Variants in SUFU observed in about 807,000 individuals in gnomAD.
SUFU encodes the protein suppressor of fused homolog.
Under a neutral mutation model 58.9 loss-of-function variants are expected in SUFU, and 7 were observed. The observed-to-expected ratio is 0.12, with a 90% CI of 0.07 to 0.22. The LOEUF (loss-of-function observed/expected upper bound fraction) is 0.22. Among genes scored for constraint, SUFU ranks in the 10% least tolerant of loss-of-function variants. The pLI is 1.00. For missense variants in SUFU, 451 were observed against 641.3 expected, an observed-to-expected ratio of 0.70 and a Z score of 3.20; for synonymous variants, 232 against 254.8, an observed-to-expected ratio of 0.91 and a Z score of 0.85.
chr10:102,522,801 A>T (rs1014979127), intron 2 of SUFU, among the ~76,000 whole-genome samples: 4 of 152,162 alleles, frequency 2.6e-5, no homozygotes, highest in Non-Finnish European at 4.4e-5. Context: ...TCTGCTCCGT[A>T]GATTGTCATC....
At chr10:102,503,039 T>C (rs2062270799), upstream of SUFU, among the ~76,000 whole-genome samples, 1 of 152,186 alleles carries the variant, frequency 6.6e-6, no homozygotes, top group Non-Finnish European at 1.5e-5. Flanking sequence ...TTGGTCGTAA[T>C]TCATGGATGT....
Position 102,617,338 on chromosome 10 carries a change from T to C in SUFU, c.1206T>C (p.Gly402=), listed in dbSNP as rs2063697266. The change falls in exon 10 of 12, where the codon GGT becomes GGC. Residue 402 remains glycine, a synonymous_variant. Transcript: ENST00000369902. The surrounding 1 kb of genome is among the most constrained non-coding windows in gnomAD (Gnocchi z 4.4). ...GRHFTYKSIT[G]DMAITFVSTG... is the part of the protein sequence containing the mutation. Reference sequence around the variant, plus strand: ...ACTTTACATATAAAAGTATCACAGGTGACATGGCCATCACGTTTGTCTCCA... The same window carrying C: ...ACTTTACATATAAAAGTATCACAGGCGACATGGCCATCACGTTTGTCTCCA... 6.2e-7 allele frequency: 1 copy of C among 1,614,018 alleles called. No homozygotes were observed. Among genetic ancestry groups the C allele is most frequent in the Admixed American group, 1.7e-5 (1 of 59,994 alleles).
At chr10:102,618,971 TG>T in intron 10 of SUFU, 1 of 915,324 alleles carries the variant, frequency 1.1e-6, no homozygotes. Flanking sequence ...TGTGTGTGTG[TG>T]TGTGTGTAAT....
Position 102,617,891 on chromosome 10 carries a change from A to G in SUFU, c.1296+463A>G. 1 of 298,528 alleles carries G rather than the reference A, an allele frequency of 3.3e-6. No individual in the cohort carries two copies. Among genetic ancestry groups the G allele is most frequent in the East Asian group, 5.7e-5 (1 of 17,394 alleles). 18.5% of individuals were successfully genotyped at this position (298,528 alleles called of 1,614,324 possible). A position where few individuals can be genotyped will look rare whatever the true frequency, so the allele number is the denominator to read the frequency against. On this transcript the variant is annotated intron_variant, in intron 10 of 11. Coordinates refer to ENST00000369902, the MANE Select transcript of SUFU (RefSeq NM_016169.4). This position sits in a 1 kb window ranked among gnomAD's most constrained non-coding sequence, Gnocchi z 4.4. ...CAGGGCTGGGCAGGCCTCAGTGGGAAGAGCCTCCCCTTCTTAGCCTACCCC... is the reference window on the plus strand; with the variant it reads ...CAGGGCTGGGCAGGCCTCAGTGGGAGGAGCCTCCCCTTCTTAGCCTACCCC...
chr10:102,572,994 C>G (rs1233122213), intron 3 of SUFU: 1 of 1,329,536 alleles, frequency 7.5e-7, no homozygotes, highest in African/African-American at 1.4e-5. Context: ...TCAGTGGAAA[C>G]TTGATGATAG....
intron 3 of SUFU, among the ~76,000 whole-genome samples, chr10:102,565,707 G>C (rs1259216874): frequency 2.0e-5 from 3 of 152,194 alleles, no homozygotes; most frequent in East Asian, 3.9e-4. Context: ...ACCACGCACG[G>C]CTAATTTTTT....
intron 1 of SUFU, among the ~76,000 whole-genome samples, chr10:102,508,937 G>T (rs1306468088): frequency 6.6e-6 from 1 of 152,200 alleles, no homozygotes; most frequent in Non-Finnish European, 1.5e-5. Context: ...ATTTCTAAAA[G>T]AGGCCCAGTC....
intron 10 of SUFU, among the ~76,000 whole-genome samples, chr10:102,624,136 A>G (rs1391491229): frequency 1.3e-5 from 2 of 152,180 alleles, no homozygotes; most frequent in Admixed American, 1.3e-4. Context: ...TGTCATTTTT[A>G]TCATCACCAT....
rs1354083396 is a variant in SUFU at position 102,630,357 on chromosome 10, G to C, written c.*202G>C. On this transcript the variant is annotated 3_prime_UTR_variant, in exon 12 of 12. Transcript: ENST00000369902. ...ACCTCCAGCTCAGGGGCCGCACCCC[G>C]CCGCTGGCTAAGCCTTGTGACCCAT... The C allele has an allele frequency of 4.9e-6, 3 of 611,938 alleles. No individual in the cohort carries two copies. The South Asian group carries it at 5.6e-5, about 11-fold the overall frequency. 37.9% of individuals were successfully genotyped at this position (611,938 alleles called of 1,614,324 possible).
intron 3 of SUFU, among the ~76,000 whole-genome samples, chr10:102,565,069 G>T (rs2063073797): frequency 6.6e-6 from 1 of 152,152 alleles, no homozygotes; most frequent in South Asian, 2.1e-4. Context: ...CAGCCTGCAG[G>T]CCAAATCCTG....
In SUFU at chr10:102,630,772, A is replaced by G. The variant is rs1467556325; in HGVS notation, c.*617A>G. ...CCCCGTTGAACTTTCGCATTCTCTG[A>G]CAGAGGCCTAGGGCTGTATCTCTCC... is the stretch of plus-strand genomic sequence containing the variant. On this transcript the variant is annotated 3_prime_UTR_variant, in exon 12 of 12. Coordinates refer to ENST00000369902, the MANE Select transcript of SUFU (RefSeq NM_016169.4). 19 of 249,586 alleles carry G rather than the reference A, an allele frequency of 7.6e-5. No homozygotes were observed. The Admixed American group carries it at 8.2e-4, about 11-fold the overall frequency. The allele number at this position is 249,586 out of a possible 1,614,324, so 15.5% of individuals were successfully genotyped here.
At chr10:102,579,306 A>G (rs1303198498) in intron 3 of SUFU, among the ~76,000 whole-genome samples, 1 of 152,188 alleles carries the variant, frequency 6.6e-6, no homozygotes, top group Non-Finnish European at 1.5e-5. Flanking sequence ...TGTCAGGTCC[A>G]CAGTCTATCT....
intron 3 of SUFU, among the ~76,000 whole-genome samples, chr10:102,572,122 A>G (rs891921785): frequency 6.6e-6 from 1 of 152,058 alleles, no homozygotes; most frequent in Admixed American, 6.5e-5. Flanking sequence ...CTGGAGTGCA[A>G]TGATATGATC....
At chr10:102,552,182 A>G (rs913324660) in intron 3 of SUFU, among the ~76,000 whole-genome samples, 30 of 152,264 alleles carry the variant, frequency 2.0e-4, no homozygotes, top group East Asian at 3.9e-4. Flanking sequence ...AAAAATGTCA[A>G]TGCTCTAATC....
intron 3 of SUFU, among the ~76,000 whole-genome samples, chr10:102,586,132 G>A (rs981945100): frequency 1.3e-4 from 20 of 151,428 alleles, no homozygotes; most frequent in East Asian, 5.9e-4. Context: ...TGATCTGCCC[G>A]CCTTGGCCTC....
chr10:102,506,320 A>G (rs1363090582), intron 1 of SUFU, among the ~76,000 whole-genome samples: 2 of 152,182 alleles, frequency 1.3e-5, no homozygotes, highest in African/African-American at 4.8e-5. Flanking sequence ...ATTATACAGC[A>G]CTTTGTGAAA....
At chr10:102,623,291 A>AT (rs1402838524) in intron 10 of SUFU, among the ~76,000 whole-genome samples, 2 of 152,218 alleles carry the variant, frequency 1.3e-5, no homozygotes, top group Non-Finnish European at 2.9e-5. Context: ...GTCAAGATAT[A>AT]TGTATTCACT....
Position 102,630,315 on chromosome 10 carries a change from C to T in SUFU, c.*160C>T, listed in dbSNP as rs1349300492. ...GCCCAGTGGGGTGCCATGCACAGGC[C>T]ACAGGCCCTCCACCTCACCTCCAGC... On this transcript the variant is annotated 3_prime_UTR_variant, in exon 12 of 12. Transcript: ENST00000369902. The T allele has an allele frequency of 8.7e-6, 6 of 687,430 alleles. No individual in the cohort carries two copies. In the East Asian group the frequency reaches 1.1e-4, roughly 12 times the overall value. 42.6% of individuals were successfully genotyped at this position (687,430 alleles called of 1,614,324 possible). A position where few individuals can be genotyped will look rare whatever the true frequency, so the allele number is the denominator to read the frequency against.
intron 2 of SUFU, among the ~76,000 whole-genome samples, chr10:102,541,244 T>C (rs1403637715): frequency 6.6e-6 from 1 of 152,140 alleles, no homozygotes; most frequent in African/African-American, 2.4e-5. Flanking sequence ...TTCAAATAAA[T>C]GTTACCCACC....
Sources: gnomAD v4.1 joint callset for allele counts (sites outside exome capture counted in the v4.1 genomes callset) on GRCh38, gnomAD v4.1.1 for gene constraint, Gnocchi (gnomAD v3.1) non-coding constraint, MANE v1.5 for transcripts, NCBI Gene and HGNC (gene_info 2026-07-23, HGNC 2026-07-21) for gene names.